DLGAP2: variants seen among roughly 807,000 people sequenced by gnomAD.
DLGAP2 encodes the protein disks large-associated protein 2.
In DLGAP2, 26 loss-of-function variants were observed where a neutral mutation model predicts 100.3. The ratio of observed to expected loss-of-function variants is 0.26; its 90% CI spans 0.19 to 0.36. The LOEUF (loss-of-function observed/expected upper bound fraction) is 0.36, where lower values mean the gene tolerates loss of function less well. Among genes scored for constraint, DLGAP2 ranks in the 10% least tolerant of loss-of-function variants. The pLI, the probability that DLGAP2 is intolerant of heterozygous loss-of-function variation, is 1.00. For synonymous variants in DLGAP2, 886 were observed against 630.1 expected (o/e 1.41, Z -6.08); for missense variants, 1,858 against 1,453.2 (o/e 1.28, Z -4.53).
At chr8:1,513,838 A>G (rs1447390303) in intron 4 of DLGAP2, among the ~76,000 whole-genome samples, 2 of 148,666 alleles carry the variant, frequency 1.3e-5, no homozygotes, top group Non-Finnish European at 3.0e-5. Flanking sequence ...AACACGAAAC[A>G]TCCTTCTTCC....
intron 2 of DLGAP2, among the ~76,000 whole-genome samples, chr8:1,124,770 G>T (rs150303228): frequency 6.6e-6 from 1 of 152,120 alleles, no homozygotes. Context: ...CACAGCCCCC[G>T]TGTGGTGTTT....
At chr8:1,051,484 C>G (rs1373912710) in intron 2 of DLGAP2, among the ~76,000 whole-genome samples, 4 of 152,162 alleles carry the variant, frequency 2.6e-5, no homozygotes, top group African/African-American at 9.7e-5. Flanking sequence ...AAGGCACAGA[C>G]TATATTGATG....
rs1797979416 is a variant in DLGAP2, at chr8:1,644,052, CCGGTCCT to C, written c.1810+11008_1810+11014del. ...CTCACCTGTGTCACCCTCGAACCCG[CCGGTCCT>C]CACCTGTGTCACCCTCGACCCCGCC... On this transcript the variant is annotated intron_variant, in intron 8 of 14. Transcript: ENST00000637795. Among the ~76,000 whole-genome samples the C allele has an allele frequency of 1.9e-5, 2 of 104,178 alleles. 1 individual carries two copies. Among genetic ancestry groups the C allele is most frequent in the African/African-American group, 7.4e-5 (2 of 26,942 alleles). The allele number at this position is 104,178 out of a possible 152,430, so 68.3% of individuals were successfully genotyped here.
intron 2 of DLGAP2, among the ~76,000 whole-genome samples, chr8:1,136,848 T>A (rs1357627117): frequency 2.0e-5 from 3 of 152,292 alleles, no homozygotes; most frequent in Non-Finnish European, 2.9e-5. Context: ...TTAAATGTAG[T>A]GATCTTAAAT....
chr8:909,745 A>G (rs1798448039), intron 2 of DLGAP2, among the ~76,000 whole-genome samples: 1 of 152,128 alleles, frequency 6.6e-6, no homozygotes, highest in Non-Finnish European at 1.5e-5. Flanking sequence ...TCCAGAGAAG[A>G]GAGAGGTGTT....
chr8:973,697 C>G (rs1388064893), intron 2 of DLGAP2, among the ~76,000 whole-genome samples: 1 of 152,246 alleles, frequency 6.6e-6, no homozygotes, highest in Non-Finnish European at 1.5e-5. Flanking sequence ...CTTTCTCTTT[C>G]ACGGTACCTC....
intron 2 of DLGAP2, among the ~76,000 whole-genome samples, chr8:1,152,518 C>T (rs59266211): frequency 0.036 from 5,528 of 152,288 alleles, 157 homozygotes; most frequent in East Asian, 0.15. Flanking sequence ...GTTCATTCCT[C>T]TCCCAAAGGC....
At chr8:1,628,586 C>G (rs1797566560) in intron 7 of DLGAP2, among the ~76,000 whole-genome samples, 1 of 151,012 alleles carries the variant, frequency 6.6e-6, no homozygotes, top group Admixed American at 6.6e-5. Flanking sequence ...GCCGACCTCA[C>G]ATTCTCTCTG....
intron 2 of DLGAP2, among the ~76,000 whole-genome samples, chr8:931,612 T>C (rs1798960548): frequency 6.6e-6 from 1 of 152,180 alleles, no homozygotes; most frequent in African/African-American, 2.4e-5. Context: ...TTACTTCCAT[T>C]TGAATTTCAT....
intron 6 of DLGAP2, among the ~76,000 whole-genome samples, chr8:1,616,057 C>T (rs1325050696): frequency 1.3e-5 from 2 of 152,064 alleles, no homozygotes; most frequent in African/African-American, 2.4e-5. Flanking sequence ...AAATGAAATC[C>T]ATGAGAAAGA....
intron 3 of DLGAP2, among the ~76,000 whole-genome samples, chr8:1,449,883 G>C (rs112648523): frequency 1.6e-4 from 15 of 92,080 alleles, no homozygotes; most frequent in Non-Finnish European, 1.8e-4. Flanking sequence ...GGCCTCGGTG[G>C]CTGAGGCGGA....
chr8:906,537 G>A (rs968514619), intron 1 of DLGAP2, among the ~76,000 whole-genome samples: 1 of 152,076 alleles, frequency 6.6e-6, no homozygotes, highest in Non-Finnish European at 1.5e-5. Flanking sequence ...GGAGTTGAGT[G>A]TGTGTGTGTG....
chr8:1,094,563 A>G (rs1333649768), intron 2 of DLGAP2, among the ~76,000 whole-genome samples: 1 of 152,232 alleles, frequency 6.6e-6, no homozygotes, highest in Non-Finnish European at 1.5e-5. Context: ...ACACCTTCCA[A>G]CATGTCTTGT....
intron 2 of DLGAP2, among the ~76,000 whole-genome samples, chr8:954,929 C>T (rs748782575): frequency 3.9e-5 from 6 of 152,122 alleles, no homozygotes; most frequent in African/African-American, 4.8e-5. Flanking sequence ...AATGGTCTTT[C>T]CATTTCAAAT....
intron 1 of DLGAP2, among the ~76,000 whole-genome samples, chr8:798,494 A>G (rs1414654096): frequency 7.2e-5 from 10 of 138,152 alleles, no homozygotes; most frequent in South Asian, 4.7e-4. Context: ...TTCCGTTGGC[A>G]CTGAAAGCAA....
At chr8:1,666,424 G>C (rs1460112092) in intron 8 of DLGAP2, among the ~76,000 whole-genome samples, 2 of 152,170 alleles carry the variant, frequency 1.3e-5, no homozygotes, top group African/African-American at 4.8e-5. Context: ...TGTAATCCCA[G>C]TACTTTGGGA....
At chr8:1,068,914 G>A (rs1259296290) in intron 2 of DLGAP2, among the ~76,000 whole-genome samples, 1 of 152,108 alleles carries the variant, frequency 6.6e-6, no homozygotes, top group African/African-American at 2.4e-5. Context: ...GTGAACCTGG[G>A]CAGCCCCGGG....
chr8:1,358,510 T>C (rs1801905939), intron 3 of DLGAP2, among the ~76,000 whole-genome samples: 1 of 152,170 alleles, frequency 6.6e-6, no homozygotes, highest in Non-Finnish European at 1.5e-5. Flanking sequence ...CACTTCACCA[T>C]AGTCACCATT....
At chr8:1,482,806 C>T (rs1455576616) in intron 3 of DLGAP2, among the ~76,000 whole-genome samples, 1 of 152,220 alleles carries the variant, frequency 6.6e-6, no homozygotes, top group Non-Finnish European at 1.5e-5. Context: ...TGGGGATGGG[C>T]GTGGGACCCT....
Sources: allele counts gnomAD v4.1 joint callset (sites outside exome capture counted in the v4.1 genomes callset), GRCh38; gene constraint gnomAD v4.1.1; transcripts MANE v1.5; gene names NCBI Gene and HGNC (gene_info 2026-07-23, HGNC 2026-07-21).